Variants in FRY observed in about 807,000 individuals in gnomAD.
The protein encoded by FRY is protein furry homolog.
FRY carries 128 observed loss-of-function variants against 348.4 expected under a neutral mutation model. That is an observed-to-expected ratio of 0.37 (90% CI 0.32 to 0.43). The LOEUF (loss-of-function observed/expected upper bound fraction) is 0.43. Ranked by LOEUF, FRY falls within the 20% of genes least tolerant of loss-of-function variation. FRY has a pLI of 1.00. For synonymous variants in FRY, 1,370 were observed against 1,374.7 expected, an observed-to-expected ratio of 1.00 and a Z score of 0.08; for missense variants, 2,736 against 3,695.2, an observed-to-expected ratio of 0.74 and a Z score of 6.73.
intron 17 of FRY, among the ~76,000 whole-genome samples, chr13:32,165,684 C>G (rs1412118569): frequency 6.6e-6 from 1 of 152,166 alleles, no homozygotes; most frequent in Non-Finnish European, 1.5e-5. Flanking sequence ...CCTAATTTAT[C>G]TTTTCTTCTG....
intron 17 of FRY, among the ~76,000 whole-genome samples, chr13:32,162,347 T>C (rs1006429523): frequency 2.0e-5 from 3 of 152,110 alleles, no homozygotes; most frequent in African/African-American, 7.2e-5. Context: ...AGAGCACCTT[T>C]CCCATCAATA....
chr13:32,218,750 T>G lies in FRY; in HGVS notation c.4684T>G (p.Phe1562Val). ...TTCTGGTTGTTCTTGTATTTGAAGG[T>G]TTAGTAATGTCATCAGAGCCCACAC... Reference protein sequence around the residue: ...NKILKESDERFSNVIRAHTRL... With the variant: ...NKILKESDERVSNVIRAHTRL... The change falls in exon 36 of 61, where the codon TTT (phenylalanine) becomes GTT (valine). Residue 1562 changes from phenylalanine (F) to valine (V), a missense_variant and splice_region_variant. By Grantham distance (50) the Phe-to-Val change is conservative. Transcript: ENST00000542859. The G allele has an allele frequency of 6.4e-7, 1 of 1,570,206 alleles. No homozygotes were observed. The highest frequency in any genetic ancestry group is 8.8e-7 in the Non-Finnish European group (1 of 1,141,886).
intron 36 of FRY, among the ~76,000 whole-genome samples, chr13:32,220,844 A>G (rs1885274197): frequency 6.6e-6 from 1 of 152,176 alleles, no homozygotes; most frequent in Non-Finnish European, 1.5e-5. Context: ...CTAGCAGTAC[A>G]TTTGGCAACT....
At chr13:32,286,704 G>A (rs1243686022) in intron 58 of FRY, among the ~76,000 whole-genome samples, 3 of 124,988 alleles carry the variant, frequency 2.4e-5, no homozygotes, top group African/African-American at 3.1e-5. Context: ...CCAAGATCGC[G>A]CCACTGCACT....
At chr13:32,274,607 G>T (rs969698123) in intron 55 of FRY, among the ~76,000 whole-genome samples, 5 of 150,266 alleles carry the variant, frequency 3.3e-5, no homozygotes, top group African/African-American at 9.8e-5. Context: ...GGGAGGCTGA[G>T]GCAGGAGAAT....
chr13:32,202,405 G>A lies in FRY; in HGVS notation c.3896G>A (p.Arg1299Lys), dbSNP rs199614703. Residue 1299 changes from arginine (R) to lysine (K), a missense_variant, in exon 31 of 61, where the codon AGA becomes AAA. This residue lies in a region of FRY where 794 missense variants were observed against 977.0 expected (regional missense o/e 0.81). Coordinates refer to ENST00000542859, the MANE Select transcript of FRY (RefSeq NM_023037.3). The part of the protein sequence containing the change: ...FVYSKKVAEQ[R>K]PGSILYGTHG... The stretch of plus-strand genomic sequence containing the variant: ...TACTCAAAGAAAGTCGCTGAGCAAA[G>A]ACCGGGAAGTATTCTCTATGGAACA... The A allele has an allele frequency of 1.9e-4, 311 of 1,613,924 alleles. 2 individuals carry two copies. Among genetic ancestry groups the A allele is most frequent in the Non-Finnish European group, 4.7e-5 (56 of 1,179,996 alleles).
At chr13:32,244,985 C>G (rs961509587) in intron 47 of FRY, among the ~76,000 whole-genome samples, 2 of 152,012 alleles carry the variant, frequency 1.3e-5, no homozygotes, top group Non-Finnish European at 2.9e-5. Context: ...CTGAGTCTCG[C>G]TCTGTCCAGG....
chr13:32,131,328 G>A (rs1879346392), intron 7 of FRY, among the ~76,000 whole-genome samples: 1 of 152,172 alleles, frequency 6.6e-6, no homozygotes, highest in African/African-American at 2.4e-5. Context: ...TCAGGCTCTG[G>A]GGTCTGCAAC....
intron 1 of FRY, among the ~76,000 whole-genome samples, chr13:32,053,005 C>T (rs1239169639): frequency 1.3e-5 from 2 of 151,720 alleles, no homozygotes; most frequent in Non-Finnish European, 2.9e-5. Flanking sequence ...CCTATCTACT[C>T]GGGAGGCTGA....
chr13:32,175,179 A>C (rs1460960419), intron 19 of FRY, among the ~76,000 whole-genome samples: 2 of 152,236 alleles, frequency 1.3e-5, no homozygotes, highest in African/African-American at 4.8e-5. Flanking sequence ...TTTAGTTAGC[A>C]GTCTAACAAA....
chr13:32,219,632 G>A (rs574806646), intron 36 of FRY, among the ~76,000 whole-genome samples: 23 of 151,784 alleles, frequency 1.5e-4, no homozygotes, highest in Admixed American at 9.2e-4. Flanking sequence ...GGTGGCGGGC[G>A]CCTGTAGTCC....
rs1883550168 is a variant in FRY at position 32,194,391 on chromosome 13, G to A, written c.3746+94G>A. 7 of 1,096,782 alleles carry A rather than the reference G, an allele frequency of 6.4e-6. No individual in the cohort carries two copies. The East Asian group carries it at 1.2e-4, about 18-fold the overall frequency. 67.9% of individuals were successfully genotyped at this position (1,096,782 alleles called of 1,614,324 possible). A position where few individuals can be genotyped will look rare whatever the true frequency, so the allele number is the denominator to read the frequency against. On this transcript the variant is annotated intron_variant, in intron 29 of 60. Transcript: ENST00000542859. ...GGAGAGCTGTTTTGCAACTATATGAGCAAAGTAAGTTCTATGAGAATATAA... is the reference window on the plus strand; with the variant it reads ...GGAGAGCTGTTTTGCAACTATATGAACAAAGTAAGTTCTATGAGAATATAA...
intron 51 of FRY, among the ~76,000 whole-genome samples, chr13:32,258,534 A>G (rs1469928752): frequency 6.6e-6 from 1 of 151,708 alleles, no homozygotes; most frequent in Non-Finnish European, 1.5e-5. Context: ...AATCCCTTGA[A>G]CCCAAGAGGC....
intron 4 of FRY, among the ~76,000 whole-genome samples, chr13:32,122,435 C>G (rs1358431411): frequency 6.6e-6 from 1 of 150,576 alleles, no homozygotes; most frequent in Non-Finnish European, 1.5e-5. Context: ...GAGTGAGACT[C>G]CGCCTCAGAA....
At chr13:32,280,792 G>T (rs1888772534) in intron 58 of FRY, among the ~76,000 whole-genome samples, 1 of 152,166 alleles carries the variant, frequency 6.6e-6, no homozygotes, top group African/African-American at 2.4e-5. Flanking sequence ...TTATTTGTTT[G>T]TTTCTTTATA....
In FRY at chr13:32,163,384, G is replaced by A. The variant is rs1045116224; in HGVS notation, c.1892+2133G>A. On this transcript the variant is annotated intron_variant, in intron 17 of 60. Coordinates refer to ENST00000542859, the MANE Select transcript of FRY (RefSeq NM_023037.3). ...TGCCATTTTACTACCTGCATGATCC[G>A]GACAAATTATTTAACCCTCAAGCCT... 7.9e-5 allele frequency among the ~76,000 whole-genome samples: 12 copies of A among 152,242 alleles called. No individual in the cohort carries two copies. In the South Asian group the frequency reaches 1.2e-3, roughly 16 times the overall value.
intron 40 of FRY, among the ~76,000 whole-genome samples, chr13:32,230,057 AT>A (rs1437142459): frequency 1.3e-5 from 2 of 152,022 alleles, no homozygotes; most frequent in South Asian, 2.1e-4. Flanking sequence ...TGTTTAAAAT[AT>A]TTTTTTAACT....
intron 48 of FRY, among the ~76,000 whole-genome samples, chr13:32,248,414 G>A (rs749124245): frequency 2.0e-4 from 30 of 152,054 alleles, no homozygotes; most frequent in Non-Finnish European, 4.1e-4. Context: ...GATAGCATTA[G>A]GAGAAATACC....
In FRY at chr13:32,194,103, C is replaced by T. The variant is rs773897357; in HGVS notation, c.3592-40C>T. ...TGTATCTTTCTCTAGAACATTCTTT[C>T]ATCAAATGGGAATAATATTGATTTG... On this transcript the variant is annotated intron_variant, in intron 28 of 60. Coordinates refer to ENST00000542859, the MANE Select transcript of FRY (RefSeq NM_023037.3). 11 of 1,572,240 alleles carry T rather than the reference C, an allele frequency of 7.0e-6. No homozygotes were observed. In the Admixed American group the frequency reaches 1.8e-4, roughly 26 times the overall value.
Sources: allele counts gnomAD v4.1 joint callset (sites outside exome capture counted in the v4.1 genomes callset), GRCh38; gene constraint gnomAD v4.1.1; regional missense constraint gnomAD v4.1.1; transcripts MANE v1.5; gene names NCBI Gene and HGNC (gene_info 2026-07-23, HGNC 2026-07-21).